The following SGIP1 variants were observed in gnomAD, a reference collection of about 807,000 sequenced individuals.
The protein encoded by SGIP1 is SH3-containing GRB2-like protein 3-interacting protein 1.
In SGIP1, 38 loss-of-function variants were observed where a neutral mutation model predicts 107.5. The ratio of observed to expected loss-of-function variants is 0.35; its 90% CI spans 0.27 to 0.46. The LOEUF is 0.46. Among genes scored for constraint, SGIP1 ranks in the 20% least tolerant of loss-of-function variants. The probability of loss-of-function intolerance (pLI) is 1.00; values close to 1 mark genes in which losing one functional copy is unlikely to be tolerated. For synonymous variants in SGIP1, 365 were observed against 366.1 expected (o/e 1.00, Z 0.03); for missense variants, 929 against 1,019.5 (o/e 0.91, Z 1.21).
chr1:66,644,102 T>C (rs2077236480), intron 7 of SGIP1: 1 of 153,394 alleles, frequency 6.5e-6, no homozygotes, highest in Non-Finnish European at 1.5e-5. Context: ...TTAGTTTCCT[T>C]TTTTATGATA....
chr1:66,624,144 C>A (rs1010263183), intron 1 of SGIP1, among the ~76,000 whole-genome samples: 2 of 130,156 alleles, frequency 1.5e-5, no homozygotes. Context: ...CCTGTAAAAA[C>A]CAGTGGTGAT....
rs182156920 is a variant in SGIP1, at chr1:66,674,967, G to C, written c.646+1601G>C. Among the ~76,000 whole-genome samples, 18 of 152,298 alleles carry C rather than the reference G, an allele frequency of 1.2e-4. No homozygotes were observed. The East Asian group carries it at 2.7e-3, about 23-fold the overall frequency. On this transcript the variant is annotated intron_variant, in intron 12 of 24. Coordinates refer to ENST00000371037, the MANE Select transcript of SGIP1 (RefSeq NM_032291.4). ...TGATTTTGTTAGGAAACTGTACAAA[G>C]AACATTTCTAAATACTCCTTAATGA... is the stretch of plus-strand genomic sequence containing the variant.
intron 9 of SGIP1, among the ~76,000 whole-genome samples, chr1:66,667,758 T>G (rs1310108026): frequency 6.6e-6 from 1 of 152,140 alleles, no homozygotes; most frequent in African/African-American, 2.4e-5. Context: ...AATTAATAGA[T>G]GGGAATCCCA....
intron 1 of SGIP1, among the ~76,000 whole-genome samples, chr1:66,547,587 T>A (rs546942835): frequency 6.6e-6 from 1 of 152,136 alleles, no homozygotes; most frequent in Non-Finnish European, 1.5e-5. Context: ...CTTGATCAAA[T>A]TTTAACTAAG....
Position 66,743,468 on chromosome 1 carries a change from G to A in SGIP1, c.*373G>A. 1 of 159,166 alleles carries A rather than the reference G, an allele frequency of 6.3e-6. No homozygotes were observed. The highest frequency in any genetic ancestry group is 1.4e-5 in the Non-Finnish European group (1 of 72,068). The allele number at this position is 159,166 out of a possible 1,614,324, so 9.9% of individuals were successfully genotyped here. A position where few individuals can be genotyped will look rare whatever the true frequency, so the allele number is the denominator to read the frequency against. ...TGTTGAATGGCACAATGCTTACAGA[G>A]GTAGATTGCATTTTGTCAATATATA... On this transcript the variant is annotated 3_prime_UTR_variant, in exon 25 of 25. Coordinates refer to ENST00000371037, the MANE Select transcript of SGIP1 (RefSeq NM_032291.4).
intron 13 of SGIP1, 41 bp downstream of exon 13, chr1:66,677,137 C>G (rs750507196): frequency 2.0e-6 from 3 of 1,490,976 alleles, no homozygotes; most frequent in South Asian, 1.1e-5. Context: ...ATAAGTGACT[C>G]ATTTTAGTGT....
At position 66,743,153 on chromosome 1, in the gene SGIP1, A is replaced by T; in HGVS notation, c.*58A>T. 1 of 1,587,818 alleles carries T rather than the reference A, an allele frequency of 6.3e-7. No homozygotes were observed. On this transcript the variant is annotated 3_prime_UTR_variant, in exon 25 of 25. Coordinates refer to ENST00000371037, the MANE Select transcript of SGIP1 (RefSeq NM_032291.4). ...ATAATGGAGAACTGATGTATGAGAA[A>T]CAGATTTTAATTTTGGTTTGATGAA...
At chr1:66,542,173 T>A (rs1184984894) in intron 1 of SGIP1, among the ~76,000 whole-genome samples, 1 of 152,018 alleles carries the variant, frequency 6.6e-6, no homozygotes, top group African/African-American at 2.4e-5. Context: ...TAGATATCAA[T>A]CAGTAGGTAT....
At chr1:66,671,909 AT>A (rs1557558684) in intron 10 of SGIP1, 34 bp from the exon 11 acceptor site, 3 of 1,609,080 alleles carry the variant, frequency 1.9e-6, no homozygotes, top group Middle Eastern at 1.7e-4. Context: ...AATGGTAAAA[AT>A]TTGTCTAAAA....
intron 1 of SGIP1, among the ~76,000 whole-genome samples, chr1:66,574,599 GT>G: frequency 6.6e-6 from 1 of 152,248 alleles, no homozygotes; most frequent in Middle Eastern, 3.4e-3. Flanking sequence ...TTATCAACCT[GT>G]TCCTTTACTC....
intron 9 of SGIP1, 32 bp downstream of exon 9, chr1:66,667,573 T>C: frequency 6.2e-7 from 1 of 1,611,502 alleles, no homozygotes; most frequent in Non-Finnish European, 8.5e-7. Flanking sequence ...ACCTTAAACA[T>C]GTATAGAGAA....
intron 1 of SGIP1, chr1:66,590,638 G>A (rs1023233279): frequency 3.2e-4 from 49 of 152,062 alleles, no homozygotes; most frequent in African/African-American, 1.1e-3. Flanking sequence ...CATCTAGATC[G>A]TAGGATATTA....
chr1:66,735,199 T>G (rs1265936103), intron 21 of SGIP1, among the ~76,000 whole-genome samples: 3 of 16,850 alleles, frequency 1.8e-4, no homozygotes, highest in South Asian at 8.3e-4. Flanking sequence ...TTTATGTTAT[T>G]TTATTTTATT....
At chr1:66,637,511 T>C (rs1396847218) in intron 4 of SGIP1, among the ~76,000 whole-genome samples, 10 of 151,382 alleles carry the variant, frequency 6.6e-5, no homozygotes, top group Non-Finnish European at 1.0e-4. Flanking sequence ...CCAAAAATAA[T>C]GTATTGTTAT....
intron 1 of SGIP1, among the ~76,000 whole-genome samples, chr1:66,544,893 A>C (rs538753634): frequency 9.9e-5 from 15 of 152,236 alleles, no homozygotes; most frequent in African/African-American, 3.1e-4. Context: ...TAACCATTAA[A>C]TTTCTCTTAG....
chr1:66,621,333 G>A (rs954969103), intron 1 of SGIP1, among the ~76,000 whole-genome samples: 5 of 152,196 alleles, frequency 3.3e-5, no homozygotes, highest in African/African-American at 1.2e-4. Context: ...AAACTTTTAA[G>A]CCAATCTGCC....
At chr1:66,662,273 CTTAT>C (rs2081656062) in intron 8 of SGIP1, among the ~76,000 whole-genome samples, 1 of 152,154 alleles carries the variant, frequency 6.6e-6, no homozygotes, top group Non-Finnish European at 1.5e-5. Flanking sequence ...ACAGAAAAGT[CTTAT>C]TTGTTTAGTG....
At chr1:66,686,493 T>A (rs1242446643) in intron 15 of SGIP1, among the ~76,000 whole-genome samples, 3 of 152,094 alleles carry the variant, frequency 2.0e-5, no homozygotes, top group African/African-American at 7.2e-5. Context: ...GAAATGAAAA[T>A]GCAATTGAAA....
intron 14 of SGIP1, among the ~76,000 whole-genome samples, chr1:66,680,856 A>G (rs1456210561): frequency 6.6e-6 from 1 of 152,184 alleles, no homozygotes; most frequent in African/African-American, 2.4e-5. Flanking sequence ...ACTTCTGTTC[A>G]TGCCTTCCAG....
Sources: allele counts gnomAD v4.1 joint callset (sites outside exome capture counted in the v4.1 genomes callset), GRCh38; gene constraint gnomAD v4.1.1; transcripts MANE v1.5; gene names NCBI Gene and HGNC (gene_info 2026-07-23, HGNC 2026-07-21).